The following ITGAD variants were observed in gnomAD, a reference collection of about 807,000 sequenced individuals.
ITGAD encodes integrin alpha-D.
Under a neutral mutation model 139.0 loss-of-function variants are expected in ITGAD, and 105 were observed. The observed-to-expected ratio is 0.76, with a 90% confidence interval of 0.65 to 0.89. The LOEUF (loss-of-function observed/expected upper bound fraction) is 0.89, where lower values mean the gene tolerates loss of function less well. Ranked by LOEUF, ITGAD falls within the 40% of genes least tolerant of loss-of-function variation. The probability of loss-of-function intolerance (pLI) is 0.00; values close to 1 mark genes in which losing one functional copy is unlikely to be tolerated. For synonymous variants in ITGAD, 569 were observed against 598.3 expected (o/e 0.95, Z 0.71); for missense variants, 1,384 against 1,487.3 (o/e 0.93, Z 1.14).
At chr16:31,423,219 T>C in intron 24 of ITGAD, 27 bp downstream of exon 24, 3 of 1,605,476 alleles carry the variant, frequency 1.9e-6, no homozygotes, top group Non-Finnish European at 2.6e-6. Context: ...TATCCATGTC[T>C]GCCTTCCACG....
rs1412922524 is a variant in ITGAD at position 31,417,104 on chromosome 16, C to T, written c.2499+458C>T. ...TGTCACCCAGGCTGGAGTGCAGTGGCACAATCACCACTCACTGCAGCCTAG... is the reference window on the plus strand; with the variant it reads ...TGTCACCCAGGCTGGAGTGCAGTGGTACAATCACCACTCACTGCAGCCTAG... On this transcript the variant is annotated intron_variant, in intron 20 of 29. Coordinates refer to ENST00000389202, the MANE Select transcript of ITGAD (RefSeq NM_005353.3). Among the ~76,000 whole-genome samples the T allele has an allele frequency of 2.7e-5, 4 of 146,560 alleles. No individual in the cohort carries two copies. The East Asian group carries it at 8.2e-4, about 30-fold the overall frequency.
chr16:31,424,392 G>A, intron 28 of ITGAD, 75 bp from the exon 29 acceptor site: 2 of 1,331,620 alleles, frequency 1.5e-6, no homozygotes, highest in Non-Finnish European at 2.2e-6. Flanking sequence ...AAGGAGGGGA[G>A]AGAGTTAAAG....
At chr16:31,425,956 C>T (rs1229490567) in intron 29 of ITGAD, 59 bp from the exon 30 acceptor site, 26 of 1,098,920 alleles carry the variant, frequency 2.4e-5, no homozygotes, top group Non-Finnish European at 3.2e-5. Context: ...GCTGAGATTA[C>T]AGGTGTGAGC....
chr16:31,418,498 C>T lies in ITGAD; in HGVS notation c.2714C>T (p.Ser905Leu), dbSNP rs116041487. 1.3e-3 allele frequency: 2,032 copies of T among 1,614,004 alleles called. 24 individuals are homozygous for T. The African/African-American group carries it at 0.025, about 19-fold the overall frequency. ...GTCTCCAGTGAGAACAATAAGGCTT[C>T]AAGCAGCAAGGCCACCTTCCAGCTG... is the stretch of plus-strand genomic sequence containing the variant. ...ASASSENNKA[S>L]SSKATFQLEL... The change falls in exon 23 of 30, where the codon TCA becomes TTA. Residue 905 changes from serine (S) to leucine (L), a missense_variant. By Grantham distance (145) the Ser-to-Leu change is moderately radical. Transcript: ENST00000389202.
Position 31,411,350 on chromosome 16 carries a change from G to C in ITGAD, c.1540G>C (p.Gly514Arg), listed in dbSNP as rs1425211948. 2 of 1,613,838 alleles carry C rather than the reference G, an allele frequency of 1.2e-6. No homozygotes were observed. Residue 514 changes from glycine to arginine, a missense_variant, in exon 14 of 30, where the codon GGC becomes CGC. Coordinates refer to ENST00000389202, the MANE Select transcript of ITGAD (RefSeq NM_005353.3). Reference protein sequence around the residue: ...QCDAVLRGEQGHPWGRFGAAL... With the variant: ...QCDAVLRGEQRHPWGRFGAAL... Reference sequence around the variant, plus strand: ...TGACGCTGTTCTCCGTGGTGAGCAGGGCCACCCCTGGGGCCGCTTTGGGGC... The same window carrying C: ...TGACGCTGTTCTCCGTGGTGAGCAGCGCCACCCCTGGGGCCGCTTTGGGGC...
rs955120934 is a variant in ITGAD, at chr16:31,411,422, G to A, written c.1612G>A (p.Val538Met). The change falls in exon 14 of 30, where the codon GTG becomes ATG. Residue 538 changes from valine to methionine, a missense_variant. Val to Met is a conservative substitution (Grantham distance 21). Coordinates refer to ENST00000389202, the MANE Select transcript of ITGAD (RefSeq NM_005353.3). ...GDVNEDKLID[V>M]AIGAPGEQEN... The stretch of plus-strand genomic sequence containing the variant: ...TGTGAATGAGGACAAGCTGATAGAC[G>A]TGGCCATTGGGGCCCCGGGAGAGCA... 9 of 1,613,910 alleles carry A rather than the reference G, an allele frequency of 5.6e-6. No individual in the cohort carries two copies. Among genetic ancestry groups the A allele is most frequent in the African/African-American group, 4.0e-5 (3 of 74,874 alleles).
rs745912286 is a variant in ITGAD, at chr16:31,411,448, G to C, written c.1638G>C (p.Gln546His). The C allele has an allele frequency of 4.3e-6, 7 of 1,614,014 alleles. No individual in the cohort carries two copies. In the African/African-American group the frequency reaches 9.3e-5, roughly 22 times the overall value. ...TGGCCATTGGGGCCCCGGGAGAGCA[G>C]GAGAACCGGGGTGCTGTCTACCTGT... ...IDVAIGAPGE[Q>H]ENRGAVYLFH... The change falls in exon 14 of 30, where the codon CAG becomes CAC. Residue 546 changes from glutamine (Q) to histidine (H), a missense_variant. Physicochemically the swap from Gln to His is conservative, Grantham distance 24 (BLOSUM62 0). Coordinates refer to ENST00000389202, the MANE Select transcript of ITGAD (RefSeq NM_005353.3).
intron 5 of ITGAD, among the ~76,000 whole-genome samples, chr16:31,400,319 G>C (rs781737584): frequency 2.0e-5 from 3 of 152,106 alleles, no homozygotes; most frequent in South Asian, 2.1e-4. Context: ...GGGTAGGGGA[G>C]AGGAAAGAGG....
At position 31,423,942 on chromosome 16, in the gene ITGAD, T is replaced by A; in HGVS notation, c.3143T>A (p.Phe1048Tyr). The A allele has an allele frequency of 6.2e-7, 1 of 1,614,152 alleles. No homozygotes were observed. The highest frequency in any genetic ancestry group is 8.5e-7 in the Non-Finnish European group (1 of 1,180,032). The change falls in exon 27 of 30, where the codon TTC (phenylalanine) becomes TAC (tyrosine). Residue 1048 changes from phenylalanine (F) to tyrosine (Y), a missense_variant. Physicochemically the swap from Phe to Tyr is conservative, Grantham distance 22. Coordinates refer to ENST00000389202, the MANE Select transcript of ITGAD (RefSeq NM_005353.3). ...LDFTLKGNLS[F>Y]GWVRETLQKK... is the part of the protein sequence containing the mutation. ...TTCACCCTGAAGGGCAATCTCAGTT[T>A]CGGCTGGGTCCGCGAGGTGTGTGGG...
Position 31,393,957 on chromosome 16 carries a change from C to T in ITGAD, c.32-279C>T, listed in dbSNP as rs561831768. ...ACCAGCCTGGCCAACATGGTGAAAC[C>T]CCATCTTTACCAAAAATATAAAAAT... On this transcript the variant is annotated intron_variant, in intron 1 of 29. Transcript: ENST00000389202. Among the ~76,000 whole-genome samples the T allele has an allele frequency of 7.9e-3, 1,202 of 151,968 alleles. 11 individuals are homozygous for T. Among genetic ancestry groups the T allele is most frequent in the Non-Finnish European group, 0.012 (822 of 67,968 alleles).
chr16:31,401,365 CA>C (rs141449148), intron 5 of ITGAD, among the ~76,000 whole-genome samples: 2,311 of 152,320 alleles, frequency 0.015, 55 homozygotes, highest in African/African-American at 0.052. Context: ...AGGTTTCCTC[CA>C]GGGGCAGGAG....
intron 5 of ITGAD, 78 bp from the exon 6 acceptor site, chr16:31,402,037 G>C: frequency 6.6e-7 from 1 of 1,517,980 alleles, no homozygotes; most frequent in Non-Finnish European, 9.0e-7. Context: ...AACAGCCCCC[G>C]GGCTCTGTTG....
In ITGAD at chr16:31,418,094, C is replaced by T; in HGVS notation, c.2519C>T (p.Ala840Val). The change falls in exon 21 of 30, where the codon GCC becomes GTC. Residue 840 changes from alanine to valine, a missense_variant. Transcript: ENST00000389202. ...SGAQKQPHQS[A>V]LRLACETVPT... Reference sequence around the variant, plus strand: ...CCCTAGAAGCAGCCCCATCAGAGTGCCCTGCGCCTGGCATGTGAGACAGTG... The same window carrying T: ...CCCTAGAAGCAGCCCCATCAGAGTGTCCTGCGCCTGGCATGTGAGACAGTG... 6.2e-7 allele frequency: 1 copy of T among 1,614,050 alleles called. No homozygotes were observed. Among genetic ancestry groups the T allele is most frequent in the Non-Finnish European group, 8.5e-7 (1 of 1,179,982 alleles).
chr16:31,408,566 C>T (rs2081599076), intron 10 of ITGAD, 68 bp downstream of exon 10: 1 of 1,422,422 alleles, frequency 7.0e-7, no homozygotes, highest in Admixed American at 1.8e-5. Context: ...GGGCTGGGGG[C>T]TGGGAGCCAG....
chr16:31,414,350 T>C lies in ITGAD; in HGVS notation c.1997-101T>C, dbSNP rs1407379648. The C allele has an allele frequency of 7.0e-6, 9 of 1,289,434 alleles. No homozygotes were observed. In the African/African-American group the frequency reaches 7.4e-5, roughly 11 times the overall value. The allele number at this position is 1,289,434 out of a possible 1,614,324, so 79.9% of individuals were successfully genotyped here. A position where few individuals can be genotyped will look rare whatever the true frequency, so the allele number is the denominator to read the frequency against. ...AGCACGTGGTACAGTTCATGGCCCATAGCAGTGTCCAGCAAACATGTATTG... is the reference window on the plus strand; with the variant it reads ...AGCACGTGGTACAGTTCATGGCCCACAGCAGTGTCCAGCAAACATGTATTG... On this transcript the variant is annotated intron_variant, in intron 16 of 29. Coordinates refer to ENST00000389202, the MANE Select transcript of ITGAD (RefSeq NM_005353.3).
At position 31,411,378 on chromosome 16, in the gene ITGAD, C is replaced by T. The variant is rs1371814576; in HGVS notation, c.1568C>T (p.Ala523Val). 3.1e-6 allele frequency: 5 copies of T among 1,613,894 alleles called. No individual in the cohort carries two copies. Among genetic ancestry groups the T allele is most frequent in the Non-Finnish European group, 4.2e-6 (5 of 1,179,978 alleles). The change falls in exon 14 of 30, where the codon GCC becomes GTC. Residue 523 changes from alanine (A) to valine (V), a missense_variant. Physicochemically the swap from Ala to Val is moderately conservative, Grantham distance 64. Transcript: ENST00000389202. ...CACCCCTGGGGCCGCTTTGGGGCAG[C>T]CCTGACAGTGTTGGGGGATGTGAAT... ...QGHPWGRFGAALTVLGDVNED... is the reference protein window; with the variant it reads ...QGHPWGRFGAVLTVLGDVNED...
At chr16:31,409,109 A>G (rs11865672) in intron 10 of ITGAD, among the ~76,000 whole-genome samples, 89,156 of 151,924 alleles carry the variant, frequency 0.59, 26,526 homozygotes, top group Middle Eastern at 0.72. Flanking sequence ...ACTGGCCAAC[A>G]TGGCGAAACC....
chr16:31,403,433 A>C lies in ITGAD; in HGVS notation c.559-67A>C. ...GGAGTTTGAGAGACCCTGTCTCTAC[A>C]AAAAATTAAAATAAAAACAATAGTA... On this transcript the variant is annotated intron_variant, in intron 6 of 29. Coordinates refer to ENST00000389202, the MANE Select transcript of ITGAD (RefSeq NM_005353.3). The surrounding 1 kb of genome is among the most constrained non-coding windows in gnomAD (Gnocchi z 4.4). 1 of 1,589,020 alleles carries C rather than the reference A, an allele frequency of 6.3e-7. No individual in the cohort carries two copies. The highest frequency in any genetic ancestry group is 8.6e-7 in the Non-Finnish European group (1 of 1,163,774).
intron 10 of ITGAD, 69 bp downstream of exon 10, chr16:31,408,567 T>G: frequency 7.1e-7 from 1 of 1,402,148 alleles, no homozygotes; most frequent in Non-Finnish European, 1.0e-6. Context: ...GGCTGGGGGC[T>G]GGGAGCCAGA....
Sources: allele counts gnomAD v4.1 joint callset (sites outside exome capture counted in the v4.1 genomes callset), GRCh38; gene constraint gnomAD v4.1.1; non-coding constraint Gnocchi (gnomAD v3.1); transcripts MANE v1.5; gene names NCBI Gene and HGNC (gene_info 2026-07-23, HGNC 2026-07-21).